POFUT3: variants seen among roughly 807,000 people sequenced by gnomAD.
The protein encoded by POFUT3 is GDP-fucose protein O-fucosyltransferase 3.
chr8:33,309,590 C>G, the POFUT3 span, among the ~76,000 whole-genome samples: 1 of 152,064 alleles, frequency 6.6e-6, no homozygotes, highest in Non-Finnish European at 1.5e-5. Flanking sequence ...GGACCCTCAT[C>G]CATGCAGTCA....
At chr8:33,329,293 G>C in the POFUT3 span, among the ~76,000 whole-genome samples, 1 of 152,172 alleles carries the variant, frequency 6.6e-6, no homozygotes, top group Non-Finnish European at 1.5e-5. Flanking sequence ...ACTTATCTAT[G>C]GGAAAATGTG....
At chr8:33,378,863 T>C in the POFUT3 span, among the ~76,000 whole-genome samples, 1 of 152,142 alleles carries the variant, frequency 6.6e-6, no homozygotes, top group African/African-American at 2.4e-5. Flanking sequence ...AATCCAACTC[T>C]AGCTCAACTC....
chr8:33,362,523 G>A, the POFUT3 span, among the ~76,000 whole-genome samples: 4 of 151,976 alleles, frequency 2.6e-5, no homozygotes, highest in South Asian at 2.1e-4. Flanking sequence ...CAGGAGACCC[G>A]TCTCACGTGC....
chr8:33,320,415 A>G, the POFUT3 span, among the ~76,000 whole-genome samples: 1 of 152,062 alleles, frequency 6.6e-6, no homozygotes, highest in Non-Finnish European at 1.5e-5. Context: ...GTGTTGACCA[A>G]GTTTAAATTC....
the POFUT3 span, among the ~76,000 whole-genome samples, chr8:33,407,302 T>A: frequency 6.6e-6 from 1 of 152,172 alleles, no homozygotes; most frequent in Non-Finnish European, 1.5e-5. Context: ...GATAGAACAA[T>A]GCCTTCTAAT....
chr8:33,363,895 A>G, the POFUT3 span, among the ~76,000 whole-genome samples: 1 of 152,250 alleles, frequency 6.6e-6, no homozygotes, highest in East Asian at 1.9e-4. Flanking sequence ...ATAGAAAAAG[A>G]GGGAATCCTC....
At chr8:33,343,690 A>G in the POFUT3 span, among the ~76,000 whole-genome samples, 2 of 152,196 alleles carry the variant, frequency 1.3e-5, no homozygotes, top group African/African-American at 4.8e-5. Flanking sequence ...AAAGGATTTT[A>G]CTTGTTCAGT....
chr8:33,389,727 C>T, the POFUT3 span: 2 of 1,614,120 alleles, frequency 1.2e-6, no homozygotes, highest in South Asian at 2.2e-5. Context: ...TTCGGGGACT[C>T]TTCATGAAAA....
chr8:33,340,832 A>T, the POFUT3 span, among the ~76,000 whole-genome samples: 1 of 152,220 alleles, frequency 6.6e-6, no homozygotes, highest in Admixed American at 6.5e-5. Context: ...AGACAAATAT[A>T]CAATTATGTT....
chr8:33,314,790 A>G, the POFUT3 span, among the ~76,000 whole-genome samples: 1 of 152,152 alleles, frequency 6.6e-6, no homozygotes, highest in African/African-American at 2.4e-5. Flanking sequence ...TGACCTTGGA[A>G]ACATTATTTA....
chr8:33,354,949 C>T, the POFUT3 span, among the ~76,000 whole-genome samples: 1 of 152,278 alleles, frequency 6.6e-6, no homozygotes, highest in Middle Eastern at 3.4e-3. Context: ...TCCGAAATCC[C>T]AACAGTACTT....
the POFUT3 span, among the ~76,000 whole-genome samples, chr8:33,422,832 T>A: frequency 6.6e-6 from 1 of 152,030 alleles, no homozygotes; most frequent in Non-Finnish European, 1.5e-5. Context: ...AATCCATTTT[T>A]TTTAGACAAG....
At chr8:33,422,052 A>AC in the POFUT3 span, among the ~76,000 whole-genome samples, 2 of 151,376 alleles carry the variant, frequency 1.3e-5, no homozygotes, top group African/African-American at 4.9e-5. Context: ...AAAAACAAAA[A>AC]AAAACCCTGC....
At chr8:33,312,050 T>C in the POFUT3 span, among the ~76,000 whole-genome samples, 1 of 151,946 alleles carries the variant, frequency 6.6e-6, no homozygotes, top group African/African-American at 2.4e-5. Context: ...TCACTTGAGG[T>C]TGGGAGTTCG....
At chr8:33,426,813 G>A in the POFUT3 span, among the ~76,000 whole-genome samples, 2 of 152,146 alleles carry the variant, frequency 1.3e-5, no homozygotes, top group African/African-American at 2.4e-5. Context: ...TGCTGAAATC[G>A]GCACCTGGCA....
the POFUT3 span, among the ~76,000 whole-genome samples, chr8:33,445,912 T>C: frequency 6.6e-6 from 1 of 152,118 alleles, no homozygotes; most frequent in Non-Finnish European, 1.5e-5. Flanking sequence ...AAAAGTTCAC[T>C]TGCATCACCT....
the POFUT3 span, among the ~76,000 whole-genome samples, chr8:33,355,902 ATGAG>A: frequency 6.6e-6 from 1 of 152,026 alleles, no homozygotes; most frequent in Non-Finnish European, 1.5e-5. Flanking sequence ...ATTCCCACCT[ATGAG>A]TAAGAATATG....
chr8:33,455,762 A>C, the POFUT3 span: 1 of 454,374 alleles, frequency 2.2e-6, no homozygotes, highest in South Asian at 1.6e-5. Flanking sequence ...AGCAGCCAAG[A>C]GTGTTACCTC....
the POFUT3 span, chr8:33,371,366 C>A: frequency 6.6e-6 from 1 of 152,190 alleles, no homozygotes; most frequent in Admixed American, 6.5e-5. Context: ...CTGCTAAGCA[C>A]ACCAAGGGCA....
Sources: allele counts gnomAD v4.1 joint callset (sites outside exome capture counted in the v4.1 genomes callset), GRCh38; gene constraint gnomAD v4.1.1; transcripts MANE v1.5; gene names NCBI Gene and HGNC (gene_info 2026-07-23, HGNC 2026-07-21).